Variants in ACER1 observed in about 807,000 individuals in gnomAD.
ACER1 encodes the protein alkaline ceramidase 1.
ACER1 carries 28 observed loss-of-function variants against 24.9 expected under a neutral mutation model. The observed-to-expected ratio is 1.13, with a 90% confidence interval of 0.83 to 1.54. ACER1 has a LOEUF of 1.54. Ranked by LOEUF, ACER1 falls within the 40% of genes most tolerant of loss-of-function variation. The pLI is 0.00. For synonymous variants in ACER1, 132 were observed against 131.4 expected (o/e 1.00, Z -0.03); for missense variants, 352 against 349.3 (o/e 1.01, Z -0.06).
intron 1 of ACER1, among the ~76,000 whole-genome samples, chr19:6,312,829 C>T (rs2091588658): frequency 6.6e-6 from 1 of 151,988 alleles, no homozygotes; most frequent in Non-Finnish European, 1.5e-5. Context: ...GCACGTGCCA[C>T]CACGCCCAGC....
the ACER1 span, among the ~76,000 whole-genome samples, chr19:6,339,120 G>A: frequency 2.7e-5 from 4 of 146,710 alleles, no homozygotes; most frequent in Admixed American, 6.8e-5. Context: ...CAGGTGATCC[G>A]CCTGCCTCAG....
chr19:6,332,434 C>A (rs2091692451), intron 1 of ACER1, among the ~76,000 whole-genome samples: 1 of 151,776 alleles, frequency 6.6e-6, no homozygotes, highest in Non-Finnish European at 1.5e-5. Context: ...CCACACCCAG[C>A]TAATTTTTAA....
the ACER1 span, among the ~76,000 whole-genome samples, chr19:6,344,593 A>G: frequency 2.6e-5 from 4 of 151,930 alleles, no homozygotes; most frequent in East Asian, 7.7e-4. Context: ...ACAAGGTTTC[A>G]CCATGTTGGC....
chr19:6,359,049 T>C, the ACER1 span, among the ~76,000 whole-genome samples: 12 of 151,258 alleles, frequency 7.9e-5, no homozygotes, highest in Admixed American at 4.0e-4. Flanking sequence ...CTGGGCAACA[T>C]AGGGAGACCC....
intron 1 of ACER1, among the ~76,000 whole-genome samples, chr19:6,329,189 A>C (rs1285122369): frequency 1.3e-5 from 2 of 151,934 alleles, no homozygotes; most frequent in African/African-American, 2.4e-5. Flanking sequence ...AAACACGAAA[A>C]GAAAAAATTT....
chr19:6,323,737 G>A (rs750193620), intron 1 of ACER1, among the ~76,000 whole-genome samples: 23 of 152,300 alleles, frequency 1.5e-4, no homozygotes, highest in East Asian at 7.7e-4. Flanking sequence ...CACCAGAGGC[G>A]TCCAGTAATT....
chr19:6,342,243 G>C, the ACER1 span, among the ~76,000 whole-genome samples: 1 of 144,512 alleles, frequency 6.9e-6, no homozygotes, highest in Non-Finnish European at 1.5e-5. Context: ...GGTTGTGTAA[G>C]AGAGTATCCT....
chr19:6,337,884 A>G (rs1254005487), upstream of ACER1, among the ~76,000 whole-genome samples: 1 of 150,472 alleles, frequency 6.6e-6, no homozygotes, highest in African/African-American at 2.4e-5. Flanking sequence ...TCACCATGTT[A>G]GCCAGGATGG....
In ACER1 at chr19:6,306,867, G is replaced by A. The variant is rs1196436372; in HGVS notation, c.642C>T (p.Ser214=). 4.3e-6 allele frequency: 7 copies of A among 1,613,714 alleles called. No homozygotes were observed. Among genetic ancestry groups the A allele is most frequent in the Middle Eastern group, 3.3e-4 (2 of 6,054 alleles). ...YLHSIWHVLI[S]ITFPYGMVTM... The stretch of plus-strand genomic sequence containing the variant: ...TGACCATGCCATAAGGGAAGGTGAT[G>A]CTGATGAGCACATGCCTGTGGAGTG... Residue 214 remains serine (S), a synonymous_variant, in exon 6 of 6, where the codon AGC becomes AGT. Transcript: ENST00000301452.
intron 1 of ACER1, among the ~76,000 whole-genome samples, chr19:6,327,846 G>A (rs2091668674): frequency 1.3e-5 from 2 of 151,964 alleles, no homozygotes; most frequent in Non-Finnish European, 2.9e-5. Context: ...GGAGGCCGAG[G>A]TGGGTGGATC....
chr19:6,343,665 C>T, the ACER1 span: 2 of 152,902 alleles, frequency 1.3e-5, no homozygotes, highest in East Asian at 3.8e-4. Context: ...CTCTCAATCC[C>T]AACATGGCTT....
At chr19:6,334,636 C>G (rs573261287), upstream of ACER1, among the ~76,000 whole-genome samples, 1 of 152,248 alleles carries the variant, frequency 6.6e-6, no homozygotes, top group East Asian at 1.9e-4. Context: ...CATGAGCCAC[C>G]TCACCTGGCC....
the ACER1 span, among the ~76,000 whole-genome samples, chr19:6,351,021 C>T: frequency 3.9e-5 from 6 of 152,264 alleles, no homozygotes; most frequent in East Asian, 1.2e-3. Context: ...GTATTTCTCT[C>T]CCTCACAGTC....
At chr19:6,353,888 CA>C in the ACER1 span, among the ~76,000 whole-genome samples, 1 of 151,230 alleles carries the variant, frequency 6.6e-6, no homozygotes, top group Non-Finnish European at 1.5e-5. Context: ...TAAAATAAAA[CA>C]GTGGTTCTCA....
intron 1 of ACER1, among the ~76,000 whole-genome samples, chr19:6,321,919 A>G (rs2145009050): frequency 6.6e-6 from 1 of 151,716 alleles, no homozygotes; most frequent in African/African-American, 2.4e-5. Flanking sequence ...GCCGGCAGGG[A>G]GTTTTGGTGC....
At chr19:6,312,042 C>T in intron 3 of ACER1, 107 bp downstream of exon 3, 1 of 1,417,370 alleles carries the variant, frequency 7.1e-7, no homozygotes, top group Non-Finnish European at 9.4e-7. Flanking sequence ...ATTCCAAGGG[C>T]CCCAAAGAGG....
the ACER1 span, among the ~76,000 whole-genome samples, chr19:6,347,107 A>ATATATATATAT: frequency 2.1e-5 from 2 of 95,490 alleles, no homozygotes; most frequent in African/African-American, 1.8e-4. Flanking sequence ...ACAAAAAAAA[A>ATATATATATAT]AAATATATAT....
In ACER1 at chr19:6,312,456, A is replaced by T. The variant is rs1192953760; in HGVS notation, c.137T>A (p.Leu46His). The change falls in exon 2 of 6, where the codon CTC becomes CAC. Residue 46 changes from leucine (L) to histidine (H), a missense_variant. By Grantham distance (99) the Leu-to-His change is moderately conservative. Coordinates refer to ENST00000301452, the MANE Select transcript of ACER1 (RefSeq NM_133492.3). ...PFFIFGPLMM[L>H]LMHPYAQKRS... ...CTTCTGGGCATACGGGTGCATCAGG[A>T]GCATCATCAGTGGCCCGAAGATGAA... 1 of 1,613,870 alleles carries T rather than the reference A, an allele frequency of 6.2e-7. No individual in the cohort carries two copies. The highest frequency in any genetic ancestry group is 8.5e-7 in the Non-Finnish European group (1 of 1,180,010).
At chr19:6,345,055 C>T in the ACER1 span, among the ~76,000 whole-genome samples, 10 of 151,708 alleles carry the variant, frequency 6.6e-5, no homozygotes, top group African/African-American at 1.9e-4. Flanking sequence ...TTAGTAGAGA[C>T]GGGGTTTCAC....
Sources: allele counts gnomAD v4.1 joint callset (sites outside exome capture counted in the v4.1 genomes callset), GRCh38; gene constraint gnomAD v4.1.1; transcripts MANE v1.5; gene names NCBI Gene and HGNC (gene_info 2026-07-23, HGNC 2026-07-21).